Variants in CNOT4 observed in about 807,000 individuals in gnomAD.
CNOT4 encodes the protein CCR4-associated factor 4.
In CNOT4, 8 loss-of-function variants were observed where a neutral mutation model predicts 73.8. That is an observed-to-expected ratio of 0.11 (90% confidence interval 0.06 to 0.20). The LOEUF (loss-of-function observed/expected upper bound fraction) is 0.20, where lower values mean the gene tolerates loss of function less well. Among genes scored for constraint, CNOT4 ranks in the 10% least tolerant of loss-of-function variants. The pLI, the probability that CNOT4 is intolerant of heterozygous loss-of-function variation, is 1.00. For missense variants in CNOT4, 564 were observed against 883.4 expected (o/e 0.64, Z 4.58); for synonymous variants, 293 against 321.1 (o/e 0.91, Z 0.94).
intron 10 of CNOT4, among the ~76,000 whole-genome samples, chr7:135,379,781 A>G (rs1423734657): frequency 6.6e-6 from 1 of 152,180 alleles, no homozygotes; most frequent in African/African-American, 2.4e-5. Context: ...AAACATATAG[A>G]TGTAATAAAG....
intron 1 of CNOT4, among the ~76,000 whole-genome samples, chr7:135,508,277 G>C (rs1218474214): frequency 6.6e-6 from 1 of 152,026 alleles, no homozygotes; most frequent in Non-Finnish European, 1.5e-5. Flanking sequence ...TTATAGCCAG[G>C]GCTGCTTCTT....
intron 1 of CNOT4, among the ~76,000 whole-genome samples, chr7:135,471,339 C>T (rs1054813484): frequency 6.6e-6 from 1 of 151,360 alleles, no homozygotes; most frequent in Admixed American, 6.6e-5. Flanking sequence ...ACAGTTGATA[C>T]TTTTAAGAAA....
intron 10 of CNOT4, among the ~76,000 whole-genome samples, chr7:135,385,619 T>C (rs1011228505): frequency 1.3e-5 from 2 of 152,202 alleles, no homozygotes; most frequent in African/African-American, 4.8e-5. Flanking sequence ...TAATGAATGT[T>C]TGTCTTTCCT....
intron 1 of CNOT4, among the ~76,000 whole-genome samples, chr7:135,487,675 T>C (rs569319211): frequency 3.3e-5 from 5 of 152,260 alleles, no homozygotes; most frequent in East Asian, 1.9e-4. Flanking sequence ...ATAGTAGCAA[T>C]ATGAATTGCT....
chr7:135,491,687 G>C (rs1007687099), intron 1 of CNOT4, among the ~76,000 whole-genome samples: 5 of 152,144 alleles, frequency 3.3e-5, no homozygotes, highest in African/African-American at 1.2e-4. Context: ...TACAGAAAGA[G>C]AGCAAGAAAG....
chr7:135,394,222 T>C lies in CNOT4; in HGVS notation c.1323A>G (p.Ser441=). 1.2e-6 allele frequency: 2 copies of C among 1,614,130 alleles called. No homozygotes were observed. The highest frequency in any genetic ancestry group is 1.7e-6 in the Non-Finnish European group (2 of 1,180,020). The part of the protein sequence containing the change: ...LSPTSLQNSS[S]HTTTAKGPGS... Reference sequence around the variant, plus strand: ...CTGGACCTTTGGCGGTTGTAGTGTGTGAAGAGGAGTTCTGAAGAGATGTGG... The same window carrying C: ...CTGGACCTTTGGCGGTTGTAGTGTGCGAAGAGGAGTTCTGAAGAGATGTGG... Residue 441 remains serine, a synonymous_variant, in exon 10 of 12, where the codon TCA becomes TCG. Transcript: ENST00000541284.
Position 135,393,934 on chromosome 7 carries a change from T to TCCCAGA in CNOT4, c.1605_1610dup (p.Leu536_Gly537dup), listed in dbSNP as rs749708841. On this transcript the variant is annotated inframe_insertion, in exon 10 of 12. Transcript: ENST00000541284. ...TGAACCTACCTGCTACAGGGATCCC[T>TCCCAGA]CCCAGACCTGTGTTGTGCTGTGGCG... 4 of 1,610,754 alleles carry TCCCAGA rather than the reference T, an allele frequency of 2.5e-6. No individual in the cohort carries two copies. Among genetic ancestry groups the TCCCAGA allele is most frequent in the Non-Finnish European group, 3.4e-6 (4 of 1,177,372 alleles).
At chr7:135,456,158 G>A (rs1800516503) in intron 1 of CNOT4, among the ~76,000 whole-genome samples, 1 of 152,228 alleles carries the variant, frequency 6.6e-6, no homozygotes, top group Admixed American at 6.5e-5. Flanking sequence ...ATACACAAAT[G>A]AGTAAGTGTG....
intron 1 of CNOT4, among the ~76,000 whole-genome samples, chr7:135,460,665 T>C (rs952962705): frequency 6.6e-6 from 1 of 152,150 alleles, no homozygotes; most frequent in African/African-American, 2.4e-5. Flanking sequence ...TGAAATATTG[T>C]GAGAATTACC....
chr7:135,373,689 G>T (rs796243421), intron 10 of CNOT4, among the ~76,000 whole-genome samples: 1 of 152,064 alleles, frequency 6.6e-6, no homozygotes, highest in South Asian at 2.1e-4. Flanking sequence ...CAATTCTCCC[G>T]CCTCAGCCTC....
intron 1 of CNOT4, among the ~76,000 whole-genome samples, chr7:135,460,437 A>C (rs11979368): frequency 0.051 from 7,728 of 152,204 alleles, 676 homozygotes; most frequent in African/African-American, 0.18. Context: ...AAATGACCTA[A>C]TTTCAATATT....
chr7:135,476,143 A>C (rs889441307), intron 1 of CNOT4, among the ~76,000 whole-genome samples: 1 of 152,190 alleles, frequency 6.6e-6, no homozygotes, highest in Non-Finnish European at 1.5e-5. Flanking sequence ...CTATGACATC[A>C]AAAAAACCTG....
At chr7:135,428,238 A>T (rs942478337) in intron 2 of CNOT4, among the ~76,000 whole-genome samples, 1 of 152,134 alleles carries the variant, frequency 6.6e-6, no homozygotes, top group African/African-American at 2.4e-5. Flanking sequence ...GCAGAAGCCA[A>T]ATTGAAGCCT....
At chr7:135,387,799 C>A (rs563529330) in intron 10 of CNOT4, 1 of 979,988 alleles carries the variant, frequency 1.0e-6, no homozygotes, top group Non-Finnish European at 1.2e-6. Context: ...ATAAAGTACT[C>A]CACTATTCTC....
At chr7:135,387,273 ATAACT>A (rs1171155692) in intron 10 of CNOT4, 1 of 985,056 alleles carries the variant, frequency 1.0e-6, no homozygotes, top group East Asian at 1.1e-4. Context: ...TTTTACAAAA[ATAACT>A]TAAATGGCTA....
At chr7:135,428,173 A>G (rs978006472) in intron 2 of CNOT4, among the ~76,000 whole-genome samples, 1 of 152,232 alleles carries the variant, frequency 6.6e-6, no homozygotes, top group Non-Finnish European at 1.5e-5. Context: ...TTGCTTGGCT[A>G]GACCAAAAAC....
intron 1 of CNOT4, among the ~76,000 whole-genome samples, chr7:135,490,442 T>C (rs1339124902): frequency 1.3e-5 from 2 of 152,186 alleles, no homozygotes; most frequent in African/African-American, 4.8e-5. Flanking sequence ...GAGGTAATAA[T>C]GAAGTAACAA....
intron 1 of CNOT4, among the ~76,000 whole-genome samples, chr7:135,497,344 G>A (rs965125844): frequency 2.0e-5 from 3 of 152,112 alleles, no homozygotes; most frequent in Non-Finnish European, 4.4e-5. Flanking sequence ...AGGAGGCGGA[G>A]GTTGTGGTGA....
intron 7 of CNOT4, among the ~76,000 whole-genome samples, chr7:135,398,460 C>T (rs1036670733): frequency 3.3e-5 from 5 of 151,956 alleles, no homozygotes; most frequent in African/African-American, 2.4e-5. Flanking sequence ...ACTTATTGCA[C>T]GCTGACATGA....
Sources: gnomAD v4.1 joint callset for allele counts (sites outside exome capture counted in the v4.1 genomes callset) on GRCh38, gnomAD v4.1.1 for gene constraint, MANE v1.5 for transcripts, NCBI Gene and HGNC (gene_info 2026-07-23, HGNC 2026-07-21) for gene names.